Variants in ADAP1 observed in about 807,000 individuals in gnomAD.
The protein encoded by ADAP1 is arf-GAP with dual PH domain-containing protein 1.
In ADAP1, 31 loss-of-function variants were observed where a neutral mutation model predicts 54.9. The observed-to-expected ratio is 0.56, with a 90% CI of 0.42 to 0.76. ADAP1 has a LOEUF of 0.76. Ranked by LOEUF, ADAP1 falls within the 30% of genes least tolerant of loss-of-function variation. The pLI, the probability that ADAP1 is intolerant of heterozygous loss-of-function variation, is 0.00. For synonymous variants in ADAP1, 313 were observed against 202.6 expected, an observed-to-expected ratio of 1.55 and a Z score of -4.63; for missense variants, 535 against 512.4, an observed-to-expected ratio of 1.04 and a Z score of -0.42.
chr7:918,958 AC>A (rs1219023844), intron 4 of ADAP1, among the ~76,000 whole-genome samples: 1 of 151,910 alleles, frequency 6.6e-6, no homozygotes, highest in Non-Finnish European at 1.5e-5. Flanking sequence ...GCTGGGGGGC[AC>A]AGCCAGAGGC....
chr7:899,997 C>G (rs1410150633), intron 8 of ADAP1, 105 bp downstream of exon 8: 4 of 1,364,982 alleles, frequency 2.9e-6, no homozygotes, highest in Admixed American at 1.8e-5. Context: ...CCACCAGACA[C>G]CAGTTTAAAA....
chr7:917,862 C>A (rs1845999302), intron 4 of ADAP1, among the ~76,000 whole-genome samples: 1 of 152,150 alleles, frequency 6.6e-6, no homozygotes, highest in Admixed American at 6.5e-5. Flanking sequence ...CCTCCGCCTC[C>A]CAGGCTCAAG....
intron 2 of ADAP1, chr7:927,367 G>A (rs559576178): frequency 3.8e-4 from 262 of 690,166 alleles, no homozygotes; most frequent in Admixed American, 1.3e-3. Flanking sequence ...CAGGTATGGT[G>A]AGCCTTGAGC....
chr7:904,149 A>T lies in ADAP1; in HGVS notation c.625T>A (p.Phe209Ile). Reference sequence around the variant, plus strand: ...ACCTTCCCGTCCTCATGGTAGATGAAGATGTTACGGGTGCTGTTGTCCTTC... The same window carrying T: ...ACCTTCCCGTCCTCATGGTAGATGATGATGTTACGGGTGCTGTTGTCCTTC... ...YLKDNSTRNI[F>I]IYHEDGKEIV... The change falls in exon 6 of 11, where the codon TTC becomes ATC. Residue 209 changes from phenylalanine to isoleucine, a missense_variant. Physicochemically the swap from Phe to Ile is conservative, Grantham distance 21. Transcript: ENST00000265846. The T allele has an allele frequency of 6.2e-7, 1 of 1,612,556 alleles. No homozygotes were observed. Among genetic ancestry groups the T allele is most frequent in the Non-Finnish European group, 8.5e-7 (1 of 1,179,836 alleles).
At position 905,391 on chromosome 7, in the gene ADAP1, GAGAAAGGA is replaced by G. The variant is rs1347508073; in HGVS notation, c.389-227_389-220del. 3.1e-4 allele frequency: 77 copies of G among 250,826 alleles called. 1 individual carries two copies. Among genetic ancestry groups the G allele is most frequent in the South Asian group, 1.3e-3 (25 of 19,354 alleles). 15.5% of individuals were successfully genotyped at this position (250,826 alleles called of 1,614,324 possible). On this transcript the variant is annotated intron_variant, in intron 4 of 10. Transcript: ENST00000265846. ...GAAAGGGAAAGGAGAAAGGAGAAAG[GAGAAAGGA>G]GAAAGGAGAAAGGGAGAAAGAGAAA...
rs534902179 is a variant in ADAP1, at chr7:926,703, G to T, written c.214-59C>A. 390 of 1,378,572 alleles carry T rather than the reference G, an allele frequency of 2.8e-4. 2 individuals carry two copies. The highest frequency in any genetic ancestry group is 6.9e-4 in the South Asian group (50 of 72,760). 85.4% of individuals were successfully genotyped at this position (1,378,572 alleles called of 1,614,324 possible). ...GGGTCCCAGGGGCAGCCTAGGAGGT[G>T]CCAGCTGCCCTTGGGGCCGTCACCA... On this transcript the variant is annotated intron_variant, in intron 2 of 10. Transcript: ENST00000265846. This position sits in a 1 kb window ranked among gnomAD's most constrained non-coding sequence, Gnocchi z 4.6.
intron 1 of ADAP1, among the ~76,000 whole-genome samples, chr7:949,720 G>A (rs940687472): frequency 1.3e-5 from 2 of 152,218 alleles, no homozygotes; most frequent in Admixed American, 6.5e-5. Flanking sequence ...GGCACCAGGC[G>A]CAGGACAGAG....
chr7:929,406 C>T (rs1379274575), intron 2 of ADAP1, among the ~76,000 whole-genome samples: 23 of 151,054 alleles, frequency 1.5e-4, no homozygotes, highest in African/African-American at 5.3e-4. Context: ...ATCGGCCGCA[C>T]GTGGTGGCTC....
At position 946,146 on chromosome 7, in the gene ADAP1, A is replaced by G. The variant is rs1847132137; in HGVS notation, c.82+8250T>C. ...ATGCATGGCTGTCCCCCAGGCACAC[A>G]GCGCCCCACTCCACGCCGGGACCCA... On this transcript the variant is annotated intron_variant, in intron 1 of 10. Transcript: ENST00000265846. The surrounding 1 kb of genome is among the most constrained non-coding windows in gnomAD (Gnocchi z 4.3). Among the ~76,000 whole-genome samples the G allele has an allele frequency of 6.6e-6, 1 of 152,116 alleles. No individual in the cohort carries two copies. Among genetic ancestry groups the G allele is most frequent in the Non-Finnish European group, 1.5e-5 (1 of 68,004 alleles).
rs1199624634 is a variant in ADAP1, at chr7:920,527, C to T, written c.306-477G>A. 2.6e-5 allele frequency among the ~76,000 whole-genome samples: 4 copies of T among 151,694 alleles called. No homozygotes were observed. Among genetic ancestry groups the T allele is most frequent in the African/African-American group, 9.7e-5 (4 of 41,318 alleles). On this transcript the variant is annotated intron_variant, in intron 3 of 10. Transcript: ENST00000265846. The surrounding 1 kb of genome is among the most constrained non-coding windows in gnomAD (Gnocchi z 4.5). The stretch of plus-strand genomic sequence containing the variant: ...TGCTGCCACCTTGCACCCCCCGTGC[C>T]GCCCTCCACCCGCCGTGCCGCCCTC...
intron 7 of ADAP1, 111 bp from the exon 8 acceptor site, chr7:900,275 C>CT (rs1562905413): frequency 8.8e-6 from 12 of 1,362,626 alleles, no homozygotes; most frequent in Non-Finnish European, 1.1e-5. Context: ...GGTCAGGGCC[C>CT]AGGCCTGGCT....
intron 1 of ADAP1, among the ~76,000 whole-genome samples, chr7:937,927 TC>T (rs1846829622): frequency 6.6e-6 from 1 of 152,240 alleles, no homozygotes; most frequent in Non-Finnish European, 1.5e-5. Context: ...CAGAGCTCAG[TC>T]CGGAGCAGGT....
At position 938,607 on chromosome 7, in the gene ADAP1, C is replaced by T. The variant is rs765046874; in HGVS notation, c.83-3102G>A. 6.6e-6 allele frequency among the ~76,000 whole-genome samples: 1 copy of T among 152,160 alleles called. No individual in the cohort carries two copies. Among genetic ancestry groups the T allele is most frequent in the African/African-American group, 2.4e-5 (1 of 41,422 alleles). On this transcript the variant is annotated intron_variant, in intron 1 of 10. Coordinates refer to ENST00000265846, the MANE Select transcript of ADAP1 (RefSeq NM_006869.4). The surrounding 1 kb of genome is among the most constrained non-coding windows in gnomAD (Gnocchi z 4.4). The stretch of plus-strand genomic sequence containing the variant: ...CTCCCGAAGCCTTGGTGAAAGATGC[C>T]GCAAATGCTCGGTACGTGGCTGTGC...
At chr7:927,408 C>A in intron 2 of ADAP1, 1 of 505,004 alleles carries the variant, frequency 2.0e-6, no homozygotes, top group South Asian at 1.6e-5. Flanking sequence ...CCCACGCCAG[C>A]CCCGAGGGCA....
chr7:951,510 G>A (rs1175355919), intron 1 of ADAP1, among the ~76,000 whole-genome samples: 1 of 152,162 alleles, frequency 6.6e-6, no homozygotes, highest in African/African-American at 2.4e-5. Context: ...CTGGGAGTTG[G>A]AGGTTGCAGT....
At chr7:908,521 T>G (rs1388768592) in intron 4 of ADAP1, among the ~76,000 whole-genome samples, 1 of 152,050 alleles carries the variant, frequency 6.6e-6, no homozygotes, top group African/African-American at 2.4e-5. Context: ...AGGAGCCCCC[T>G]TCCCATGGAA....
intron 4 of ADAP1, among the ~76,000 whole-genome samples, chr7:916,770 CT>C (rs1428635439): frequency 6.6e-6 from 1 of 152,116 alleles, no homozygotes; most frequent in African/African-American, 2.4e-5. Context: ...GGGGCAGGAG[CT>C]GCCCTGGAGG....
intron 6 of ADAP1, 45 bp from the exon 7 acceptor site, chr7:900,661 C>T (rs13224354): frequency 6.9e-6 from 10 of 1,443,278 alleles, no homozygotes; most frequent in South Asian, 3.6e-5. Context: ...GAGGCTGCAG[C>T]GCTGGGGTCC....
intron 4 of ADAP1, 89 bp from the exon 5 acceptor site, chr7:905,261 G>T (rs1845058300): frequency 2.4e-6 from 2 of 834,578 alleles, no homozygotes; most frequent in South Asian, 1.4e-5. Flanking sequence ...AGGGGACATG[G>T]GGAGAAGACA....
Sources: allele counts gnomAD v4.1 joint callset (sites outside exome capture counted in the v4.1 genomes callset), GRCh38; gene constraint gnomAD v4.1.1; non-coding constraint Gnocchi (gnomAD v3.1); transcripts MANE v1.5; gene names NCBI Gene and HGNC (gene_info 2026-07-23, HGNC 2026-07-21).